The following SCLT1 variants were observed in gnomAD, a reference collection of about 807,000 sequenced individuals.
SCLT1 encodes the protein sodium channel-associated protein 1.
SCLT1 carries 78 observed loss-of-function variants against 112.8 expected under a neutral mutation model. That is an observed-to-expected ratio of 0.69 (90% CI 0.58 to 0.83). The LOEUF (loss-of-function observed/expected upper bound fraction) is 0.83. SCLT1 is among the 40% of genes least tolerant of loss of function. The pLI, the probability that SCLT1 is intolerant of heterozygous loss-of-function variation, is 0.00. For synonymous variants in SCLT1, 257 were observed against 254.7 expected (o/e 1.01, Z -0.09); for missense variants, 747 against 770.4 (o/e 0.97, Z 0.36).
chr4:128,898,476 G>C (rs894761950), intron 18 of SCLT1, among the ~76,000 whole-genome samples: 1 of 152,034 alleles, frequency 6.6e-6, no homozygotes, highest in African/African-American at 2.4e-5. Flanking sequence ...TGAAACCAAC[G>C]AGAACAAAGA....
chr4:129,019,646 T>G (rs999477141), intron 5 of SCLT1, among the ~76,000 whole-genome samples: 1 of 151,792 alleles, frequency 6.6e-6, no homozygotes, highest in Non-Finnish European at 1.5e-5. Flanking sequence ...TATATTTTTG[T>G]GTATTTTTTT....
At chr4:129,051,852 G>C (rs1748827668) in intron 2 of SCLT1, among the ~76,000 whole-genome samples, 1 of 152,126 alleles carries the variant, frequency 6.6e-6, no homozygotes, top group Non-Finnish European at 1.5e-5. Context: ...GTATGACGTT[G>C]GCTGTGGGTT....
At chr4:129,063,114 C>A (rs1177552915) in intron 2 of SCLT1, among the ~76,000 whole-genome samples, 2 of 152,140 alleles carry the variant, frequency 1.3e-5, no homozygotes, top group African/African-American at 4.8e-5. Flanking sequence ...TTTCAAATGA[C>A]CTGCTTTCAA....
At position 129,002,127 on chromosome 4, in the gene SCLT1, C is replaced by T. The variant is rs929289229; in HGVS notation, c.426+1614G>A. 2.6e-5 allele frequency among the ~76,000 whole-genome samples: 4 copies of T among 151,558 alleles called. No individual in the cohort carries two copies. In the South Asian group the frequency reaches 6.3e-4, roughly 24 times the overall value. On this transcript the variant is annotated intron_variant, in intron 6 of 20. Transcript: ENST00000281142. ...AAACCAAATTTTCAGGAAATAAAACCGAATTTTCAGATAATTATCAAATCA... is the reference window on the plus strand; with the variant it reads ...AAACCAAATTTTCAGGAAATAAAACTGAATTTTCAGATAATTATCAAATCA...
chr4:128,936,841 A>G lies in SCLT1; in HGVS notation c.1643T>C (p.Met548Thr). 3 of 1,541,188 alleles carry G rather than the reference A, an allele frequency of 1.9e-6. No individual in the cohort carries two copies. Among genetic ancestry groups the G allele is most frequent in the Non-Finnish European group, 1.8e-6 (2 of 1,123,888 alleles). ...QKKAKVKIST[M>T]EHEFSIKERG... ...TTCCTTTATTGAAAATTCATGTTCC[A>G]TTGTACTGATCTAAAGAATAAAATG... The change falls in exon 18 of 21, where the codon ATG becomes ACG. Residue 548 changes from methionine to threonine, a missense_variant. Met to Thr is a moderately conservative substitution (Grantham distance 81, BLOSUM62 -1). This residue lies in a region of SCLT1 where 723 missense variants were observed against 721.3 expected (regional missense o/e 1.00). Coordinates refer to ENST00000281142, the MANE Select transcript of SCLT1 (RefSeq NM_144643.4).
At chr4:129,068,964 G>A (rs1205310842) in intron 2 of SCLT1, among the ~76,000 whole-genome samples, 1 of 152,132 alleles carries the variant, frequency 6.6e-6, no homozygotes, top group African/African-American at 2.4e-5. Flanking sequence ...GGTGGGAGAT[G>A]AGGATCTAGT....
chr4:129,040,604 C>T (rs760701696), intron 4 of SCLT1, among the ~76,000 whole-genome samples: 1 of 152,176 alleles, frequency 6.6e-6, no homozygotes, highest in Admixed American at 6.5e-5. Flanking sequence ...AAATTCCTTA[C>T]TGTAAAATAT....
intron 11 of SCLT1, among the ~76,000 whole-genome samples, chr4:128,962,262 G>A (rs1739802368): frequency 6.6e-6 from 1 of 152,132 alleles, no homozygotes; most frequent in South Asian, 2.1e-4. Flanking sequence ...AAATCATGTT[G>A]TAATTGATCA....
At chr4:128,880,645 ATTCAACT>A (rs1223985459), downstream of SCLT1, among the ~76,000 whole-genome samples, 1 of 152,214 alleles carries the variant, frequency 6.6e-6, no homozygotes, top group Non-Finnish European at 1.5e-5. Context: ...CAACAGTGTG[ATTCAACT>A]TTCCCTCCAA....
At chr4:128,975,782 G>A (rs1396523432) in intron 9 of SCLT1, among the ~76,000 whole-genome samples, 1 of 152,112 alleles carries the variant, frequency 6.6e-6, no homozygotes, top group Non-Finnish European at 1.5e-5. Flanking sequence ...TTTAGACAAA[G>A]TTCTAAACTT....
At chr4:129,013,226 G>A (rs900204365) in intron 5 of SCLT1, among the ~76,000 whole-genome samples, 3 of 152,072 alleles carry the variant, frequency 2.0e-5, no homozygotes, top group Non-Finnish European at 4.4e-5. Context: ...CCACTTATAA[G>A]TGAGAACACG....
At chr4:129,009,971 T>C (rs1355505007) in intron 5 of SCLT1, among the ~76,000 whole-genome samples, 1 of 152,222 alleles carries the variant, frequency 6.6e-6, no homozygotes, top group East Asian at 1.9e-4. Context: ...TTTGTCAATG[T>C]TTGCTTTTAT....
At position 129,056,502 on chromosome 4, in the gene SCLT1, T is replaced by A. The variant is rs542677745; in HGVS notation, c.103-12451A>T. 6.5e-4 allele frequency among the ~76,000 whole-genome samples: 99 copies of A among 152,340 alleles called. No individual in the cohort carries two copies. The Middle Eastern group carries it at 0.014, about 21-fold the overall frequency. Reference sequence around the variant, plus strand: ...GGTATGTATTTCTATTTGGATCATTTTCAATTTCTGTCAACATTTATATAT... The same window carrying A: ...GGTATGTATTTCTATTTGGATCATTATCAATTTCTGTCAACATTTATATAT... On this transcript the variant is annotated intron_variant, in intron 2 of 20. Transcript: ENST00000281142.
At chr4:128,916,289 T>C (rs759313277) in intron 18 of SCLT1, among the ~76,000 whole-genome samples, 4 of 152,308 alleles carry the variant, frequency 2.6e-5, no homozygotes, top group Non-Finnish European at 5.9e-5. Context: ...TTAATGAGCT[T>C]CTATTATTGC....
At chr4:129,039,419 C>G (rs1283837904) in intron 4 of SCLT1, 1 of 209,066 alleles carries the variant, frequency 4.8e-6, no homozygotes, top group Non-Finnish European at 9.5e-6. Flanking sequence ...ATAACAAATA[C>G]CAGATGGTTC....
intron 16 of SCLT1, among the ~76,000 whole-genome samples, 174 bp from the exon 17 acceptor site, chr4:128,943,362 C>T (rs1737874645): frequency 6.6e-6 from 1 of 152,118 alleles, no homozygotes; most frequent in South Asian, 2.1e-4. Flanking sequence ...CAGGCAAATA[C>T]ATTCAACTTA....
chr4:129,058,565 G>C (rs1048906950), intron 2 of SCLT1, among the ~76,000 whole-genome samples: 2 of 151,956 alleles, frequency 1.3e-5, no homozygotes, highest in Non-Finnish European at 2.9e-5. Flanking sequence ...TTCCACTGTG[G>C]TCACAAACAA....
At chr4:128,995,530 C>G (rs1742938997) in intron 8 of SCLT1, among the ~76,000 whole-genome samples, 1 of 152,074 alleles carries the variant, frequency 6.6e-6, no homozygotes, top group Admixed American at 6.6e-5. Flanking sequence ...CACGTCCGTA[C>G]ATTAGAGAAA....
At chr4:129,009,445 C>T (rs1254368857) in intron 5 of SCLT1, among the ~76,000 whole-genome samples, 6 of 150,446 alleles carry the variant, frequency 4.0e-5, no homozygotes, top group African/African-American at 1.2e-4. Flanking sequence ...ACCCAGGAGG[C>T]GGAGCTTGCA....
Sources: allele counts gnomAD v4.1 joint callset (sites outside exome capture counted in the v4.1 genomes callset), GRCh38; gene constraint gnomAD v4.1.1; regional missense constraint gnomAD v4.1.1; transcripts MANE v1.5; gene names NCBI Gene and HGNC (gene_info 2026-07-23, HGNC 2026-07-21).